MYCBP2: variants seen among roughly 807,000 people sequenced by gnomAD.
MYCBP2 encodes the protein MYC binding protein 2.
In MYCBP2, 120 loss-of-function variants were observed where a neutral mutation model predicts 525.3. The ratio of observed to expected loss-of-function variants is 0.23; its 90% CI spans 0.20 to 0.27. The LOEUF (loss-of-function observed/expected upper bound fraction) is 0.27. MYCBP2 is among the 10% of genes least tolerant of loss of function. The pLI, the probability that MYCBP2 is intolerant of heterozygous loss-of-function variation, is 1.00. For missense variants in MYCBP2, 4,149 were observed against 5,657.1 expected (o/e 0.73, Z 8.55); for synonymous variants, 1,894 against 1,955.8 (o/e 0.97, Z 0.83).
chr13:77,286,539 G>A (rs2076782822), intron 3 of MYCBP2, among the ~76,000 whole-genome samples: 2 of 150,616 alleles, frequency 1.3e-5, no homozygotes, highest in Admixed American at 1.3e-4. Context: ...GGATCACGAG[G>A]TCAGGAGATC....
chr13:77,126,463 T>A lies in MYCBP2; in HGVS notation c.7739A>T (p.Asp2580Val). Residue 2580 changes from aspartate to valine, a missense_variant, in exon 53 of 83, where the codon GAT becomes GTT. By Grantham distance (152) the Asp-to-Val change is radical. This residue lies in a region of MYCBP2 where 692 missense variants were observed against 852.7 expected (regional missense o/e 0.81). Transcript: ENST00000544440. ...TGGCCCTCCTCGCAAGAATGGCATATCTTGTTCTTGCATTGTTGCTTCCTG... is the reference window on the plus strand; with the variant it reads ...TGGCCCTCCTCGCAAGAATGGCATAACTTGTTCTTGCATTGTTGCTTCCTG... The part of the protein sequence containing the change: ...CPQEATMQEQ[D>V]MPFLRGGPGM... The A allele has an allele frequency of 6.2e-7, 1 of 1,614,012 alleles. No homozygotes were observed. Among genetic ancestry groups the A allele is most frequent in the African/African-American group, 1.3e-5 (1 of 75,060 alleles).
intron 19 of MYCBP2, 25 bp from the exon 20 acceptor site, chr13:77,224,557 T>G: frequency 3.5e-6 from 5 of 1,425,158 alleles, no homozygotes; most frequent in Non-Finnish European, 4.9e-6. Flanking sequence ...CACAGCTTTA[T>G]TTTTTCATTA....
intron 4 of MYCBP2, among the ~76,000 whole-genome samples, chr13:77,276,383 T>TA (rs901129820): frequency 6.6e-6 from 1 of 151,888 alleles, no homozygotes. Flanking sequence ...GATATTAGAT[T>TA]AAAAAAAGGA....
rs2154068737 is a variant in MYCBP2, at chr13:77,058,696, A to G, written c.13141-290T>C. Among the ~76,000 whole-genome samples the G allele has an allele frequency of 6.6e-6, 1 of 152,260 alleles. No homozygotes were observed. Among genetic ancestry groups the G allele is most frequent in the East Asian group, 1.9e-4 (1 of 5,184 alleles). On this transcript the variant is annotated intron_variant, in intron 77 of 82. Coordinates refer to ENST00000544440, the MANE Select transcript of MYCBP2 (RefSeq NM_015057.5). This position sits in a 1 kb window ranked among gnomAD's most constrained non-coding sequence, Gnocchi z 4.1. ...GTCATCATGCACAGCTATAAAGCAA[A>G]AAGTTCCTGGCTGGGAGTCGTGGCT... is the stretch of plus-strand genomic sequence containing the variant.
At position 77,067,663 on chromosome 13, in the gene MYCBP2, C is replaced by T; in HGVS notation, c.12373G>A (p.Gly4125Arg). The T allele has an allele frequency of 3.1e-6, 5 of 1,614,152 alleles. No homozygotes were observed. The highest frequency in any genetic ancestry group is 4.2e-6 in the Non-Finnish European group (5 of 1,180,032). ...KALTVQLKAK[G>R]TTITGTAGTT... ...CCAGCTGTTCCAGTGATGGTGGTTC[C>T]TTTGGCTTTTAGCTGTACAGTGAGT... Residue 4125 changes from glycine to arginine, a missense_variant, in exon 71 of 83, where the codon GGA becomes AGA. Gly to Arg is a moderately radical substitution (Grantham distance 125). This residue lies in a region of MYCBP2 where 148 missense variants were observed against 179.4 expected (regional missense o/e 0.82). Coordinates refer to ENST00000544440, the MANE Select transcript of MYCBP2 (RefSeq NM_015057.5).
chr13:77,073,070 T>C (rs1218650127), intron 68 of MYCBP2, among the ~76,000 whole-genome samples: 2 of 152,192 alleles, frequency 1.3e-5, no homozygotes, highest in African/African-American at 2.4e-5. Flanking sequence ...CATTCAGATA[T>C]GTGCAACTAT....
Position 77,093,294 on chromosome 13 carries a change from T to C in MYCBP2, c.10238A>G (p.Asn3413Ser), listed in dbSNP as rs142620503. 173 of 1,613,418 alleles carry C rather than the reference T, an allele frequency of 1.1e-4. No homozygotes were observed. Among genetic ancestry groups the C allele is most frequent in the African/African-American group, 7.1e-4 (53 of 74,992 alleles). The change falls in exon 59 of 83, where the codon AAT (asparagine) becomes AGT (serine). Residue 3413 changes from asparagine (N) to serine (S), a missense_variant. This residue lies in a region of MYCBP2 where 509 missense variants were observed against 789.4 expected (regional missense o/e 0.64). Transcript: ENST00000544440. ...ATATCTCATTTCATCCTGGAATAGATTGTCATCTTGATAGCCCACAAAATT... is the reference window on the plus strand; with the variant it reads ...ATATCTCATTTCATCCTGGAATAGACTGTCATCTTGATAGCCCACAAAATT... Reference protein sequence around the residue: ...HENFVGYQDDNLFQDEMRYLR... With the variant: ...HENFVGYQDDSLFQDEMRYLR...
rs367663098 is a variant in MYCBP2, at chr13:77,076,789, G to C, written c.11785C>G (p.Leu3929Val). ...TCTTCTCCTTCAGGTGATGACAATA[G>C]TGCTTTTTCCTCTTGTTCTGGTGTA... ...EPTPEQEEKALLSSPEGEEKV... is the reference protein window; with the variant it reads ...EPTPEQEEKAVLSSPEGEEKV... The change falls in exon 68 of 83, where the codon CTA becomes GTA. Residue 3929 changes from leucine (L) to valine (V), a missense_variant. Physicochemically the swap from Leu to Val is conservative, Grantham distance 32 (BLOSUM62 1). This residue lies in a region of MYCBP2 where 509 missense variants were observed against 789.4 expected (regional missense o/e 0.64). Coordinates refer to ENST00000544440, the MANE Select transcript of MYCBP2 (RefSeq NM_015057.5). 1.2e-6 allele frequency: 2 copies of C among 1,612,546 alleles called. No individual in the cohort carries two copies. The highest frequency in any genetic ancestry group is 2.7e-5 in the African/African-American group (2 of 74,866).
intron 8 of MYCBP2, among the ~76,000 whole-genome samples, chr13:77,264,867 GCACACA>G (rs139975510): frequency 1.3e-5 from 2 of 148,686 alleles, no homozygotes; most frequent in African/African-American, 2.5e-5. Flanking sequence ...CAAGTTAAAA[GCACACA>G]CACACACACA....
chr13:77,082,207 G>T, intron 63 of MYCBP2: 1 of 449,550 alleles, frequency 2.2e-6, no homozygotes, highest in Non-Finnish European at 3.9e-6. Context: ...TCTAAGGAAA[G>T]TTGACCCATT....
At chr13:77,307,973 T>C (rs967452226) in intron 1 of MYCBP2, among the ~76,000 whole-genome samples, 6 of 152,224 alleles carry the variant, frequency 3.9e-5, no homozygotes. Flanking sequence ...ACTTCTAATG[T>C]GAGCTATCTG....
intron 21 of MYCBP2, among the ~76,000 whole-genome samples, chr13:77,214,977 C>T (rs142402567): frequency 6.6e-6 from 1 of 152,104 alleles, no homozygotes; most frequent in African/African-American, 2.4e-5. Flanking sequence ...AATAGTGTGT[C>T]TGCATGCTTA....
At chr13:77,223,700 G>T (rs1566969256) in intron 20 of MYCBP2, among the ~76,000 whole-genome samples, 1 of 152,134 alleles carries the variant, frequency 6.6e-6, no homozygotes, top group Non-Finnish European at 1.5e-5. Flanking sequence ...TTATCTCTGT[G>T]ATGACTTCTT....
intron 76 of MYCBP2, 68 bp downstream of exon 76, chr13:77,061,101 A>T: frequency 6.8e-7 from 1 of 1,479,900 alleles, no homozygotes; most frequent in Admixed American, 2.3e-5. Context: ...TCACAGTTTA[A>T]TCAGTTGGCA....
chr13:77,108,679 G>A (rs1349399500), intron 55 of MYCBP2, among the ~76,000 whole-genome samples: 1 of 151,904 alleles, frequency 6.6e-6, no homozygotes, highest in East Asian at 1.9e-4. Flanking sequence ...ACCAAAAACA[G>A]AAGTGCTTTT....
intron 68 of MYCBP2, among the ~76,000 whole-genome samples, chr13:77,073,214 A>AATGC (rs1442636460): frequency 6.6e-6 from 1 of 152,162 alleles, no homozygotes; most frequent in Admixed American, 6.5e-5. Flanking sequence ...TGTTGACTAA[A>AATGC]ATGCATAGCA....
At chr13:77,233,535 C>G (rs981822106) in intron 17 of MYCBP2, among the ~76,000 whole-genome samples, 26 of 150,808 alleles carry the variant, frequency 1.7e-4, no homozygotes, top group African/African-American at 6.3e-4. Flanking sequence ...CTAATAGTCT[C>G]AAATAGATAA....
At chr13:77,128,031 A>C (rs1319764495) in intron 52 of MYCBP2, among the ~76,000 whole-genome samples, 2 of 151,888 alleles carry the variant, frequency 1.3e-5, no homozygotes, top group Non-Finnish European at 2.9e-5. Context: ...AATTTTAAAC[A>C]CTCAAAAAAC....
chr13:77,122,639 G>C (rs180774614), intron 54 of MYCBP2, among the ~76,000 whole-genome samples: 1 of 146,170 alleles, frequency 6.8e-6, no homozygotes, highest in African/African-American at 2.6e-5. Flanking sequence ...GCAGTGAGCC[G>C]AGATCGCGCC....
Sources: gnomAD v4.1 joint callset for allele counts (sites outside exome capture counted in the v4.1 genomes callset) on GRCh38, gnomAD v4.1.1 for gene constraint, gnomAD v4.1.1 regional missense constraint, Gnocchi (gnomAD v3.1) non-coding constraint, MANE v1.5 for transcripts, NCBI Gene and HGNC (gene_info 2026-07-23, HGNC 2026-07-21) for gene names.